The following PTER variants were observed in gnomAD, a reference collection of about 807,000 sequenced individuals.
PTER encodes phosphotriesterase related, also known as N-acetyltaurine hydrolase.
A neutral mutation model predicts 29.6 loss-of-function variants in PTER; 38 were observed. The ratio of observed to expected loss-of-function variants is 1.28; its 90% CI spans 0.99 to 1.68. The LOEUF is 1.68. PTER is among the 40% of genes most tolerant of loss of function. PTER has a pLI of 0.00. For synonymous variants in PTER, 172 were observed against 154.5 expected (o/e 1.11, Z -0.84); for missense variants, 482 against 427.8 (o/e 1.13, Z -1.12).
chr10:16,486,637 A>T lies in PTER; in HGVS notation c.698+20A>T. The stretch of plus-strand genomic sequence containing the variant: ...GGATAGGTAAGTAGGCTGTCTTACA[A>T]ATGGATGCAAACTGCCATATAATTA... On this transcript the variant is annotated intron_variant, in intron 3 of 4. Coordinates refer to ENST00000535784, the MANE Select transcript of PTER (RefSeq NM_001261836.2). 6.3e-7 allele frequency: 1 copy of T among 1,591,516 alleles called. No individual in the cohort carries two copies. Among genetic ancestry groups the T allele is most frequent in the Non-Finnish European group, 8.6e-7 (1 of 1,167,274 alleles).
intron 1 of PTER, among the ~76,000 whole-genome samples, chr10:16,457,462 C>T (rs1157538216): frequency 6.6e-6 from 1 of 152,188 alleles, no homozygotes; most frequent in East Asian, 1.9e-4. Context: ...ATCCGCCCGT[C>T]TCGGCCTCCC....
At chr10:16,457,866 C>T (rs181455633) in intron 1 of PTER, among the ~76,000 whole-genome samples, 84 of 152,298 alleles carry the variant, frequency 5.5e-4, no homozygotes, top group Non-Finnish European at 1.1e-3. Context: ...GCCTTGGCCT[C>T]CCAAAGTGCT....
rs184696408 is a variant in PTER, at chr10:16,464,794, C to T, written c.-48-19543C>T. Among the ~76,000 whole-genome samples the T allele has an allele frequency of 2.0e-5, 3 of 152,240 alleles. No individual in the cohort carries two copies. The East Asian group carries it at 5.8e-4, about 29-fold the overall frequency. ...CAGGGCACTTGCTTTGTACCTGTAT[C>T]CATCCATTTTCATGCTCCAGATAAA... On this transcript the variant is annotated intron_variant, in intron 1 of 4. Transcript: ENST00000535784.
chr10:16,491,827 A>G (rs148706913), intron 3 of PTER, among the ~76,000 whole-genome samples: 2,657 of 152,256 alleles, frequency 0.017, 79 homozygotes, highest in African/African-American at 0.06. Flanking sequence ...TAGTATTTCC[A>G]TCATTTCAGT....
chr10:16,473,586 T>A (rs118042013), intron 1 of PTER, among the ~76,000 whole-genome samples: 2,380 of 142,134 alleles, frequency 0.017, 31 homozygotes, highest in Middle Eastern at 0.03. Flanking sequence ...GTCCTTAATA[T>A]CACTTTCTGT....
chr10:16,473,860 G>C (rs1835156256), intron 1 of PTER, among the ~76,000 whole-genome samples: 1 of 152,140 alleles, frequency 6.6e-6, no homozygotes, highest in Non-Finnish European at 1.5e-5. Flanking sequence ...ATATCTGCCT[G>C]ATTAACCACA....
intron 4 of PTER, among the ~76,000 whole-genome samples, chr10:16,506,303 G>C (rs901490324): frequency 6.6e-6 from 1 of 152,062 alleles, no homozygotes; most frequent in South Asian, 2.1e-4. Context: ...CAAGGAGATG[G>C]GTCTGGAGTT....
Position 16,501,353 on chromosome 10 carries a change from A to G in PTER, c.699-3667A>G, listed in dbSNP as rs201224881. On this transcript the variant is annotated intron_variant, in intron 3 of 4. Transcript: ENST00000535784. ...TACACACACACACACACACACACAC[A>G]CACACACACACACACATGCACACAC... Among the ~76,000 whole-genome samples, 28 of 115,786 alleles carry G rather than the reference A, an allele frequency of 2.4e-4. No homozygotes were observed. The South Asian group carries it at 0.01, about 42-fold the overall frequency. 76.0% of individuals were successfully genotyped at this position (115,786 alleles called of 152,430 possible).
chr10:16,465,226 G>A (rs887091378), intron 1 of PTER, among the ~76,000 whole-genome samples: 8 of 145,976 alleles, frequency 5.5e-5, no homozygotes, highest in Middle Eastern at 3.4e-3. Context: ...AAAACGATGA[G>A]TGACTCATTG....
At chr10:16,490,554 C>T (rs955746869) in intron 3 of PTER, among the ~76,000 whole-genome samples, 1 of 152,008 alleles carries the variant, frequency 6.6e-6, no homozygotes, top group Non-Finnish European at 1.5e-5. Flanking sequence ...TCTCAGCTCT[C>T]TTGTTGTCTC....
Position 16,443,227 on chromosome 10 carries a change from G to A in PTER, c.-49+6180G>A, listed in dbSNP as rs74610306. On this transcript the variant is annotated intron_variant, in intron 1 of 4. Coordinates refer to ENST00000535784, the MANE Select transcript of PTER (RefSeq NM_001261836.2). ...GGTCTCTCTCTTTGGCTTGTGGATG[G>A]CCGTCTTCCCTTTTATGCATGTCTG... Among the ~76,000 whole-genome samples, 1,271 of 152,280 alleles carry A rather than the reference G, an allele frequency of 8.3e-3. 21 individuals carry two copies. Among genetic ancestry groups the A allele is most frequent in the African/African-American group, 0.029 (1,213 of 41,534 alleles).
rs369269531 is a variant in PTER, at chr10:16,469,905, T to G, written c.-48-14432T>G. 4.9e-3 allele frequency among the ~76,000 whole-genome samples: 534 copies of G among 109,848 alleles called. 5 individuals carry two copies. The highest frequency in any genetic ancestry group is 0.027 in the African/African-American group (498 of 18,678). 72.1% of individuals were successfully genotyped at this position (109,848 alleles called of 152,430 possible). ...GTTTTTTTTGTTTGTTTTTTTGTTT[T>G]TTTTTTTAATTTAAATAAGAGCATT... On this transcript the variant is annotated intron_variant, in intron 1 of 4. Transcript: ENST00000535784.
At chr10:16,503,446 C>A (rs898145014) in intron 3 of PTER, among the ~76,000 whole-genome samples, 2 of 151,580 alleles carry the variant, frequency 1.3e-5, no homozygotes, top group Non-Finnish European at 2.9e-5. Flanking sequence ...ACTCTGTTGC[C>A]CAGGCTGGAG....
At chr10:16,444,828 G>A (rs1018040485) in intron 1 of PTER, among the ~76,000 whole-genome samples, 31 of 152,292 alleles carry the variant, frequency 2.0e-4, no homozygotes, top group African/African-American at 6.7e-4. Context: ...CCTCAGAATA[G>A]AATAATAGGG....
At chr10:16,438,920 CAAAA>C (rs71374688) in intron 1 of PTER, among the ~76,000 whole-genome samples, 5 of 101,370 alleles carry the variant, frequency 4.9e-5, no homozygotes, top group African/African-American at 1.5e-4. Context: ...GACTCTGTCT[CAAAA>C]AAAAAAAAAA....
intron 4 of PTER, 66 bp from the exon 5 acceptor site, chr10:16,510,980 T>G: frequency 7.1e-7 from 1 of 1,412,402 alleles, no homozygotes; most frequent in South Asian, 1.2e-5. Flanking sequence ...GAGTAAAAAG[T>G]TGAAAGCATC....
At chr10:16,438,468 T>G (rs1417886529) in intron 1 of PTER, among the ~76,000 whole-genome samples, 3 of 136,946 alleles carry the variant, frequency 2.2e-5, no homozygotes, top group African/African-American at 5.2e-5. Context: ...TTCTGTTTTT[T>G]GTTTTTTTTT....
intron 4 of PTER, among the ~76,000 whole-genome samples, chr10:16,505,388 C>T (rs113411966): frequency 3.9e-5 from 6 of 152,134 alleles, no homozygotes; most frequent in African/African-American, 1.4e-4. Flanking sequence ...CTTAGAAGTT[C>T]AGTGCAGATG....
intron 3 of PTER, among the ~76,000 whole-genome samples, chr10:16,500,997 T>A (rs1836315266): frequency 6.6e-6 from 1 of 152,170 alleles, no homozygotes. Flanking sequence ...AGTGGCACGA[T>A]CTCGGCTCAC....
Sources: gnomAD v4.1 joint callset for allele counts (sites outside exome capture counted in the v4.1 genomes callset) on GRCh38, gnomAD v4.1.1 for gene constraint, MANE v1.5 for transcripts, NCBI Gene and HGNC (gene_info 2026-07-23, HGNC 2026-07-21) for gene names.